ROBO2: variants seen among roughly 807,000 people sequenced by gnomAD.
ROBO2 encodes roundabout homolog 2.
ROBO2 carries 53 observed loss-of-function variants against 160.8 expected under a neutral mutation model. The ratio of observed to expected loss-of-function variants is 0.33; its 90% confidence interval spans 0.26 to 0.41. The LOEUF (loss-of-function observed/expected upper bound fraction) is 0.41. Ranked by LOEUF, ROBO2 falls within the 10% of genes least tolerant of loss-of-function variation. The pLI is 1.00. For missense variants in ROBO2, 1,577 were observed against 1,722.4 expected, an observed-to-expected ratio of 0.92 and a Z score of 1.49; for synonymous variants, 664 against 611.7, an observed-to-expected ratio of 1.09 and a Z score of -1.26.
intron 20 of ROBO2, among the ~76,000 whole-genome samples, 188 bp downstream of exon 21, chr3:77,602,679 A>G (rs1445215671): frequency 4.8e-5 from 5 of 105,030 alleles, no homozygotes; most frequent in East Asian, 5.9e-4. Flanking sequence ...CACCACCACC[A>G]CCACCACCAC....
At chr3:77,127,278 C>T (rs1335567401) in intron 2 of ROBO2, among the ~76,000 whole-genome samples, 2 of 152,024 alleles carry the variant, frequency 1.3e-5, no homozygotes, top group Non-Finnish European at 2.9e-5. Context: ...CCGTTTTATT[C>T]TGATCACTTC....
chr3:77,552,946 C>T (rs2092972017), intron 8 of ROBO2, among the ~76,000 whole-genome samples: 1 of 151,842 alleles, frequency 6.6e-6, no homozygotes, highest in Admixed American at 6.6e-5. Context: ...ATTGTAGAGC[C>T]ATTTGAAATT....
intron 2 of ROBO2, among the ~76,000 whole-genome samples, chr3:76,778,377 T>C (rs558040216): frequency 6.6e-6 from 1 of 151,268 alleles, no homozygotes; most frequent in African/African-American, 2.4e-5. Context: ...AGGTTATGTG[T>C]TTTAGTTCTG....
intron 2 of ROBO2, among the ~76,000 whole-genome samples, chr3:77,237,694 A>G (rs1560310870): frequency 6.6e-6 from 1 of 152,222 alleles, no homozygotes; most frequent in Non-Finnish European, 1.5e-5. Context: ...TAAAGCTGCT[A>G]TAAACATCTG....
At chr3:76,713,892 G>T (rs1292484004) in intron 2 of ROBO2, among the ~76,000 whole-genome samples, 1 of 151,870 alleles carries the variant, frequency 6.6e-6, no homozygotes, top group Non-Finnish European at 1.5e-5. Context: ...AAACATGCTG[G>T]ACTGCATTTA....
chr3:77,166,661 C>T (rs1238499929), intron 2 of ROBO2, among the ~76,000 whole-genome samples: 2 of 152,168 alleles, frequency 1.3e-5, no homozygotes, highest in Non-Finnish European at 1.5e-5. Context: ...CGGGTTCCCG[C>T]CATTCTCCTG....
intron 24 of ROBO2, among the ~76,000 whole-genome samples, chr3:77,642,442 T>A (rs2095362336): frequency 6.6e-6 from 1 of 152,206 alleles, no homozygotes; most frequent in African/African-American, 2.4e-5. Context: ...TTTCCACATT[T>A]AACTGTTGAA....
intron 2 of ROBO2, among the ~76,000 whole-genome samples, chr3:75,943,584 C>A (rs1467515861): frequency 6.6e-6 from 1 of 152,116 alleles, no homozygotes. Flanking sequence ...AGTCTTATCT[C>A]TCTGCCTATA....
At chr3:76,702,268 TG>T (rs1245470796) in intron 2 of ROBO2, among the ~76,000 whole-genome samples, 2 of 152,058 alleles carry the variant, frequency 1.3e-5, no homozygotes, top group Admixed American at 6.6e-5. Context: ...TTGGAGGATT[TG>T]GGGGTTGTGA....
At chr3:76,979,998 A>G (rs755185917) in intron 2 of ROBO2, among the ~76,000 whole-genome samples, 37 of 152,146 alleles carry the variant, frequency 2.4e-4, no homozygotes, top group Non-Finnish European at 4.3e-4. Context: ...GAGCTTATAA[A>G]GGAAGAAATA....
chr3:77,296,741 G>T (rs1580833600), intron 2 of ROBO2, among the ~76,000 whole-genome samples: 1 of 152,222 alleles, frequency 6.6e-6, no homozygotes, highest in South Asian at 2.1e-4. Flanking sequence ...AAGGCTGAAA[G>T]GTTACTTGCT....
intron 16 of ROBO2, among the ~76,000 whole-genome samples, chr3:77,587,508 G>T (rs2094082741): frequency 6.6e-6 from 1 of 151,896 alleles, no homozygotes; most frequent in South Asian, 2.1e-4. Context: ...ACTTACATGG[G>T]TCATAATTTT....
chr3:76,758,831 G>A (rs1024011642), intron 2 of ROBO2, among the ~76,000 whole-genome samples: 1 of 151,850 alleles, frequency 6.6e-6, no homozygotes. Flanking sequence ...AAGGGCTTTG[G>A]TTATATAAAT....
intron 2 of ROBO2, among the ~76,000 whole-genome samples, chr3:76,858,526 A>T (rs1056422413): frequency 1.3e-5 from 2 of 152,316 alleles, no homozygotes; most frequent in East Asian, 1.9e-4. Flanking sequence ...GGCTTCTTAA[A>T]GTCCTAGGAT....
intron 2 of ROBO2, among the ~76,000 whole-genome samples, chr3:76,666,031 A>G (rs1197975014): frequency 8.1e-6 from 1 of 123,210 alleles, no homozygotes; most frequent in Non-Finnish European, 1.8e-5. Context: ...TATTATATAT[A>G]TTATATATAT....
intron 2 of ROBO2, among the ~76,000 whole-genome samples, chr3:76,875,224 C>T (rs927532782): frequency 6.6e-6 from 1 of 152,132 alleles, no homozygotes; most frequent in Non-Finnish European, 1.5e-5. Flanking sequence ...TTGGAGACAG[C>T]AACACTCACC....
rs2080141133 is a variant in ROBO2, at chr3:77,443,317, TAGAC to T, written c.389-34096_389-34093del. ...ATCTTTTTTTTTTCAGAAGAGGAAATAGACTGAGAAAAAAATAAATTCAGCTTAA... is the reference window on the plus strand; with the variant it reads ...ATCTTTTTTTTTTCAGAAGAGGAAATTGAGAAAAAAATAAATTCAGCTTAA... On this transcript the variant is annotated intron_variant, in intron 2 of 25. Coordinates refer to ENST00000461745, the Ensembl canonical transcript of ROBO2. Among the ~76,000 whole-genome samples, 3 of 151,556 alleles carry T rather than the reference TAGAC, an allele frequency of 2.0e-5. No homozygotes were observed. In the South Asian group the frequency reaches 6.2e-4, roughly 31 times the overall value.
At chr3:77,067,778 A>T (rs1183740931) in intron 1 of ROBO2, among the ~76,000 whole-genome samples, 1 of 152,156 alleles carries the variant, frequency 6.6e-6, no homozygotes, top group African/African-American at 2.4e-5. Context: ...ACCATGGCTG[A>T]TGTTAAAATA....
At chr3:77,068,883 A>G in intron 1 of ROBO2, among the ~76,000 whole-genome samples, 1 of 152,150 alleles carries the variant, frequency 6.6e-6, no homozygotes, top group Admixed American at 6.6e-5. Flanking sequence ...CGCAAACTAT[A>G]ATAAATTTTT....
Sources: allele counts gnomAD v4.1 joint callset (sites outside exome capture counted in the v4.1 genomes callset), GRCh38; gene constraint gnomAD v4.1.1; transcripts MANE v1.5; gene names NCBI Gene and HGNC (gene_info 2026-07-23, HGNC 2026-07-21).